ADRA1A: variants seen among roughly 807,000 people sequenced by gnomAD.
The protein encoded by ADRA1A is adrenoceptor alpha 1A, also known as alpha-1A adrenergic receptor.
ADRA1A carries 31 observed loss-of-function variants against 29.6 expected under a neutral mutation model. The ratio of observed to expected loss-of-function variants is 1.05; its 90% CI spans 0.79 to 1.41. The LOEUF (loss-of-function observed/expected upper bound fraction) is 1.41. ADRA1A is among the 40% of genes most tolerant of loss of function. The pLI is 0.00. For missense variants in ADRA1A, 619 were observed against 601.1 expected (o/e 1.03, Z -0.31); for synonymous variants, 311 against 254.3 (o/e 1.22, Z -2.12).
intron 2 of ADRA1A, among the ~76,000 whole-genome samples, chr8:26,856,239 G>C (rs922360405): frequency 1.3e-5 from 2 of 152,216 alleles, no homozygotes; most frequent in Non-Finnish European, 2.9e-5. Context: ...ATTCCAGAAC[G>C]ATGTGGCAGC....
chr8:26,768,009 A>C (rs778451584), downstream of ADRA1A, among the ~76,000 whole-genome samples: 2 of 152,216 alleles, frequency 1.3e-5, no homozygotes, highest in South Asian at 2.1e-4. Context: ...AATCCGGCCA[A>C]CATCTCAGTG....
At chr8:26,754,777 A>G (rs777310467), downstream of ADRA1A, among the ~76,000 whole-genome samples, 1 of 152,152 alleles carries the variant, frequency 6.6e-6, no homozygotes, top group Non-Finnish European at 1.5e-5. Flanking sequence ...CCTAACTGTT[A>G]GTTGATTGCA....
At chr8:26,850,645 G>C (rs538138429) in intron 2 of ADRA1A, among the ~76,000 whole-genome samples, 1 of 152,244 alleles carries the variant, frequency 6.6e-6, no homozygotes, top group East Asian at 1.9e-4. Flanking sequence ...ACAGGTGTGT[G>C]CCACCACGCC....
intron 2 of ADRA1A, among the ~76,000 whole-genome samples, chr8:26,784,649 T>C (rs12676582): frequency 0.093 from 14,127 of 152,176 alleles, 966 homozygotes; most frequent in East Asian, 0.33. Flanking sequence ...GTTAGAAGAG[T>C]TTCTATCTCA....
At chr8:26,809,740 C>A (rs951827402) in intron 2 of ADRA1A, among the ~76,000 whole-genome samples, 1 of 152,194 alleles carries the variant, frequency 6.6e-6, no homozygotes, top group African/African-American at 2.4e-5. Context: ...TCCCACAAAG[C>A]GCTGAGTAAG....
At chr8:26,754,700 A>G (rs142403614), downstream of ADRA1A, among the ~76,000 whole-genome samples, 179 of 152,284 alleles carry the variant, frequency 1.2e-3, 1 homozygote, top group African/African-American at 4.1e-3. Context: ...CTAAAGTATA[A>G]TTTTAATTTC....
intron 2 of ADRA1A, among the ~76,000 whole-genome samples, chr8:26,819,462 G>T (rs1809999635): frequency 6.6e-6 from 1 of 152,126 alleles, no homozygotes; most frequent in Non-Finnish European, 1.5e-5. Flanking sequence ...GATGTAAATT[G>T]TGATATCAAT....
Position 26,769,785 on chromosome 8 carries a change from T to A in ADRA1A, c.*364A>T. 9.9e-7 allele frequency: 1 copy of A among 1,007,142 alleles called. No homozygotes were observed. The highest frequency in any genetic ancestry group is 1.7e-5 in the African/African-American group (1 of 58,186). 62.4% of individuals were successfully genotyped at this position (1,007,142 alleles called of 1,614,324 possible). On this transcript the variant is annotated 3_prime_UTR_variant, in exon 3 of 3. Coordinates refer to ENST00000380573, the MANE Select transcript of ADRA1A (RefSeq NM_000680.4). ...CTTCCATCAAGAAATAGCTCCAAACTTAGAGTGTGTGCTCAAAATATTCAT... is the reference window on the plus strand; with the variant it reads ...CTTCCATCAAGAAATAGCTCCAAACATAGAGTGTGTGCTCAAAATATTCAT...
rs1449094114 is a variant in ADRA1A, at chr8:26,787,173, T to C, written c.884-16507A>G. On this transcript the variant is annotated intron_variant, in intron 2 of 2. Transcript: ENST00000380573. This position sits in a 1 kb window ranked among gnomAD's most constrained non-coding sequence, Gnocchi z 4.2. ...TTCTAGATGATGCTATCTGCGAATC[T>C]GTCACTGCTTTGCTGGCTTTATAGT... Among the ~76,000 whole-genome samples, 3 of 152,198 alleles carry C rather than the reference T, an allele frequency of 2.0e-5. No homozygotes were observed. The highest frequency in any genetic ancestry group is 7.2e-5 in the African/African-American group (3 of 41,448).
intron 2 of ADRA1A, among the ~76,000 whole-genome samples, chr8:26,809,706 T>C (rs1386932379): frequency 1.3e-5 from 2 of 152,250 alleles, no homozygotes; most frequent in East Asian, 3.8e-4. Context: ...CACTGAGCAA[T>C]GTGCTACAAA....
At chr8:26,752,952 A>G (rs1257057927), downstream of ADRA1A, among the ~76,000 whole-genome samples, 1 of 152,176 alleles carries the variant, frequency 6.6e-6, no homozygotes, top group African/African-American at 2.4e-5. Flanking sequence ...GGAAATGAGG[A>G]TTTGGAGATG....
At chr8:26,812,629 TTTTATTTATTTA>T (rs142175703) in intron 2 of ADRA1A, among the ~76,000 whole-genome samples, 13 of 147,130 alleles carry the variant, frequency 8.8e-5, no homozygotes, top group South Asian at 2.1e-4. Flanking sequence ...GCCTTTTTAT[TTTTATTTATTTA>T]TTTATTTATT....
chr8:26,756,536 A>G, exon 3 of ADRA1A: 1 of 1,539,366 alleles, frequency 6.5e-7, no homozygotes, highest in African/African-American at 1.4e-5. Flanking sequence ...TGCATTCATG[A>G]TCATTCCTTA....
downstream of ADRA1A, among the ~76,000 whole-genome samples, chr8:26,764,949 G>T (rs1434775680): frequency 3.9e-5 from 6 of 152,154 alleles, no homozygotes; most frequent in African/African-American, 1.4e-4. Context: ...TTATAACGTG[G>T]CTGCACTGAA....
chr8:26,862,659 T>A (rs562769292), intron 2 of ADRA1A, among the ~76,000 whole-genome samples: 1 of 152,150 alleles, frequency 6.6e-6, no homozygotes, highest in Admixed American at 6.5e-5. Context: ...GCAGGCACAA[T>A]GGAAGGCCAG....
At chr8:26,817,319 A>G (rs73231568) in intron 2 of ADRA1A, among the ~76,000 whole-genome samples, 3,230 of 152,352 alleles carry the variant, frequency 0.021, 54 homozygotes, top group Middle Eastern at 0.044. Context: ...GAAAATGAAA[A>G]CTAAAGCAAC....
chr8:26,768,255 G>A (rs144133456), downstream of ADRA1A, among the ~76,000 whole-genome samples: 204 of 152,226 alleles, frequency 1.3e-3, 1 homozygote, highest in Admixed American at 0.011. Context: ...TGTTGAGGCC[G>A]CTACTCTTGC....
rs550111649 is a variant in ADRA1A, at chr8:26,830,684, C to G, written c.883+33403G>C. On this transcript the variant is annotated intron_variant, in intron 2 of 2. Coordinates refer to ENST00000380573, the MANE Select transcript of ADRA1A (RefSeq NM_000680.4). ...ATTAACCAAGAAATAAGCTGTTCTA[C>G]CCACAGTCATCACAGCTGCCAAAAC... Among the ~76,000 whole-genome samples, 43 of 152,284 alleles carry G rather than the reference C, an allele frequency of 2.8e-4. 1 individual carries two copies. The South Asian group carries it at 8.5e-3, about 30-fold the overall frequency.
intron 2 of ADRA1A, among the ~76,000 whole-genome samples, chr8:26,834,294 C>T (rs1233898129): frequency 6.6e-6 from 1 of 152,088 alleles, no homozygotes; most frequent in Non-Finnish European, 1.5e-5. Flanking sequence ...TCAGTTTTAT[C>T]CATTCTGATT....
Sources: allele counts gnomAD v4.1 joint callset (sites outside exome capture counted in the v4.1 genomes callset), GRCh38; gene constraint gnomAD v4.1.1; non-coding constraint Gnocchi (gnomAD v3.1); transcripts MANE v1.5; gene names NCBI Gene and HGNC (gene_info 2026-07-23, HGNC 2026-07-21).